Variants in CACHD1 observed in about 807,000 individuals in gnomAD.
CACHD1 encodes the protein VWFA and cache domain-containing protein 1.
In CACHD1, 71 loss-of-function variants were observed where a neutral mutation model predicts 138.7. That is an observed-to-expected ratio of 0.51 (90% CI 0.42 to 0.62). The LOEUF (loss-of-function observed/expected upper bound fraction) is 0.62. Ranked by LOEUF, CACHD1 falls within the 20% of genes least tolerant of loss-of-function variation. The pLI, the probability that CACHD1 is intolerant of heterozygous loss-of-function variation, is 0.00. For synonymous variants in CACHD1, 578 were observed against 591.5 expected (o/e 0.98, Z 0.33); for missense variants, 1,389 against 1,625.3 (o/e 0.85, Z 2.50).
chr1:64,590,840 T>C (rs558003802), intron 3 of CACHD1, among the ~76,000 whole-genome samples: 106 of 152,342 alleles, frequency 7.0e-4, no homozygotes, highest in African/African-American at 2.3e-3. Context: ...ACCTGAGTCA[T>C]GTAGTACAAA....
intron 1 of CACHD1, among the ~76,000 whole-genome samples, chr1:64,496,396 A>C (rs1240162206): frequency 6.6e-6 from 1 of 152,204 alleles, no homozygotes; most frequent in Non-Finnish European, 1.5e-5. Flanking sequence ...AGGAAAAATT[A>C]TTCTACATCT....
rs1648933079 is a variant in CACHD1 at position 64,647,105 on chromosome 1, T to C, written c.1157-696T>C. On this transcript the variant is annotated intron_variant, in intron 8 of 26. Coordinates refer to ENST00000651257, the MANE Select transcript of CACHD1 (RefSeq NM_020925.4). ...GTGTATTAAATTTACTTTTGTGCTA[T>C]AAATTACAGATGTTGTAGAATAATA... is the stretch of plus-strand genomic sequence containing the variant. 2.0e-5 allele frequency among the ~76,000 whole-genome samples: 3 copies of C among 151,952 alleles called. No individual in the cohort carries two copies. The South Asian group carries it at 6.2e-4, about 32-fold the overall frequency.
At chr1:64,662,853 C>T (rs1649487410) in intron 13 of CACHD1, among the ~76,000 whole-genome samples, 1 of 152,158 alleles carries the variant, frequency 6.6e-6, no homozygotes, top group Non-Finnish European at 1.5e-5. Flanking sequence ...TTGCTGCCAC[C>T]ATCTGAGTGA....
chr1:64,483,767 G>A lies in CACHD1; in HGVS notation c.198+12825G>A, dbSNP rs142794628. The stretch of plus-strand genomic sequence containing the variant: ...ATACCTCTGCTTAAAACTCCCTAAA[G>A]GTTCTCATCTGACTCAGTAAAATCC... On this transcript the variant is annotated intron_variant, in intron 1 of 26. Transcript: ENST00000651257. 8.2e-3 allele frequency among the ~76,000 whole-genome samples: 1,231 copies of A among 150,908 alleles called. 16 individuals carry two copies. Among genetic ancestry groups the A allele is most frequent in the African/African-American group, 0.029 (1,183 of 40,948 alleles).
intron 8 of CACHD1, among the ~76,000 whole-genome samples, chr1:64,646,224 T>C (rs1200934190): frequency 6.6e-6 from 1 of 152,150 alleles, no homozygotes; most frequent in Non-Finnish European, 1.5e-5. Flanking sequence ...TTCTGTGAGC[T>C]TCTCAAGGAT....
At chr1:64,605,255 G>A (rs563259373) in intron 4 of CACHD1, among the ~76,000 whole-genome samples, 120 of 152,152 alleles carry the variant, frequency 7.9e-4, no homozygotes, top group Non-Finnish European at 1.2e-3. Context: ...ATGAGCCACC[G>A]TGCCTACCAA....
At chr1:64,640,632 C>G (rs1648676008) in intron 7 of CACHD1, among the ~76,000 whole-genome samples, 2 of 151,652 alleles carry the variant, frequency 1.3e-5, no homozygotes, top group Non-Finnish European at 2.9e-5. Flanking sequence ...TGAGATCATA[C>G]TACTGCACTC....
intron 1 of CACHD1, among the ~76,000 whole-genome samples, chr1:64,476,479 A>G (rs1646175275): frequency 6.6e-6 from 1 of 152,240 alleles, no homozygotes; most frequent in Non-Finnish European, 1.5e-5. Context: ...TCGAAGGAAA[A>G]ATCACCTGTA....
intron 1 of CACHD1, among the ~76,000 whole-genome samples, chr1:64,540,899 G>C (rs542328417): frequency 6.6e-6 from 1 of 152,208 alleles, no homozygotes; most frequent in African/African-American, 2.4e-5. Context: ...GGTTTGTAGG[G>C]TGTTAAAGTT....
intron 2 of CACHD1, 31 bp from the exon 3 acceptor site, chr1:64,582,125 T>A: frequency 1.9e-6 from 3 of 1,610,324 alleles, no homozygotes; most frequent in Non-Finnish European, 2.5e-6. Flanking sequence ...TCTTGGACTT[T>A]CGATTTATTT....
rs1646136207 is a variant in CACHD1 at position 64,470,493 on chromosome 1, G to C, written c.-252G>C. On this transcript the variant is annotated 5_prime_UTR_variant, in exon 1 of 27. Transcript: ENST00000651257. The surrounding 1 kb of genome is among the most constrained non-coding windows in gnomAD (Gnocchi z 5.2). The stretch of plus-strand genomic sequence containing the variant: ...CGCCGCGGGGCCCGTGTGGGCGCCG[G>C]GCTCCGGGGACCGCTCGGGCGGCCG... Among the ~76,000 whole-genome samples, 1 of 151,308 alleles carries C rather than the reference G, an allele frequency of 6.6e-6. No homozygotes were observed. The highest frequency in any genetic ancestry group is 2.1e-4 in the South Asian group (1 of 4,816).
chr1:64,678,360 C>A (rs1429191960), intron 23 of CACHD1, 50 bp downstream of exon 23: 29 of 1,492,358 alleles, frequency 1.9e-5, no homozygotes, highest in Non-Finnish European at 2.6e-5. Flanking sequence ...ATACAATTTC[C>A]TGCCTATATG....
intron 4 of CACHD1, among the ~76,000 whole-genome samples, chr1:64,606,101 C>T (rs575513954): frequency 9.5e-6 from 1 of 105,190 alleles, no homozygotes; most frequent in South Asian, 2.9e-4. Flanking sequence ...AGGTCAGGAG[C>T]TGTAAACACA....
At chr1:64,651,394 T>C (rs2100679804) in intron 9 of CACHD1, among the ~76,000 whole-genome samples, 1 of 152,332 alleles carries the variant, frequency 6.6e-6, no homozygotes, top group East Asian at 1.9e-4. Flanking sequence ...GATGCATTAA[T>C]GGGGTATAGT....
chr1:64,635,050 G>T (rs1196738974), intron 7 of CACHD1, among the ~76,000 whole-genome samples: 2 of 147,948 alleles, frequency 1.4e-5, no homozygotes, highest in South Asian at 2.1e-4. Context: ...TGTTGTCTTC[G>T]TCATCATCTA....
intron 3 of CACHD1, among the ~76,000 whole-genome samples, chr1:64,597,547 T>C (rs1268009254): frequency 6.7e-6 from 1 of 149,706 alleles, no homozygotes; most frequent in East Asian, 2.0e-4. Flanking sequence ...TTTTTTTTTT[T>C]TTTAACTTAC....
At chr1:64,596,784 C>T (rs1647156457) in intron 3 of CACHD1, among the ~76,000 whole-genome samples, 1 of 152,160 alleles carries the variant, frequency 6.6e-6, no homozygotes, top group African/African-American at 2.4e-5. Flanking sequence ...AGAATATTCC[C>T]TACCCTATTA....
intron 2 of CACHD1, among the ~76,000 whole-genome samples, chr1:64,562,085 C>T (rs967508759): frequency 2.0e-5 from 3 of 152,066 alleles, no homozygotes; most frequent in African/African-American, 7.2e-5. Flanking sequence ...AGATTTTTCT[C>T]TGCTTCCGTT....
intron 12 of CACHD1, among the ~76,000 whole-genome samples, chr1:64,655,815 C>T (rs1344283667): frequency 6.6e-6 from 1 of 152,170 alleles, no homozygotes; most frequent in Non-Finnish European, 1.5e-5. Flanking sequence ...CTTTTATCAT[C>T]AAATTTTAAT....
Sources: allele counts gnomAD v4.1 joint callset (sites outside exome capture counted in the v4.1 genomes callset), GRCh38; gene constraint gnomAD v4.1.1; non-coding constraint Gnocchi (gnomAD v3.1); transcripts MANE v1.5; gene names NCBI Gene and HGNC (gene_info 2026-07-23, HGNC 2026-07-21).